Variants in SNTG2 observed in about 807,000 individuals in gnomAD.
SNTG2 encodes the protein gamma-2-syntrophin.
Under a neutral mutation model 70.9 loss-of-function variants are expected in SNTG2, and 74 were observed. The observed-to-expected ratio is 1.04, with a 90% CI of 0.86 to 1.27. The LOEUF (loss-of-function observed/expected upper bound fraction) is 1.27. SNTG2 is among the 50% of genes most tolerant of loss of function. The pLI is 0.00. For synonymous variants in SNTG2, 278 were observed against 273.8 expected (o/e 1.02, Z -0.15); for missense variants, 717 against 690.7 (o/e 1.04, Z -0.43).
intron 1 of SNTG2, among the ~76,000 whole-genome samples, chr2:1,082,936 A>T (rs546216596): frequency 6.6e-6 from 1 of 152,226 alleles, no homozygotes; most frequent in East Asian, 1.9e-4. Flanking sequence ...GCAATTCCAC[A>T]TTGTGTTGCT....
chr2:953,094 A>G (rs1240723425), intron 1 of SNTG2, among the ~76,000 whole-genome samples: 1 of 152,194 alleles, frequency 6.6e-6, no homozygotes, highest in Non-Finnish European at 1.5e-5. Flanking sequence ...GCTTGTTTGA[A>G]TCATGGAATT....
At chr2:1,252,074 G>A (rs989396228) in intron 12 of SNTG2, among the ~76,000 whole-genome samples, 1 of 152,194 alleles carries the variant, frequency 6.6e-6, no homozygotes, top group Non-Finnish European at 1.5e-5. Flanking sequence ...AACTCTGGAG[G>A]CGCCCAGTAC....
At chr2:1,360,067 A>T (rs367756715) in intron 16 of SNTG2, among the ~76,000 whole-genome samples, 18 of 129,536 alleles carry the variant, frequency 1.4e-4, no homozygotes, top group Admixed American at 4.0e-4. Flanking sequence ...GAAAAAAAAA[A>T]GTACATTAAA....
At chr2:1,133,608 CAAAT>C in intron 4 of SNTG2, among the ~76,000 whole-genome samples, 1 of 152,216 alleles carries the variant, frequency 6.6e-6, no homozygotes, top group Admixed American at 6.5e-5. Flanking sequence ...CTAATCTGAC[CAAAT>C]AGTTCATTTT....
intron 9 of SNTG2, among the ~76,000 whole-genome samples, chr2:1,219,460 A>G (rs926177956): frequency 2.6e-5 from 4 of 152,232 alleles, no homozygotes; most frequent in Admixed American, 6.5e-5. Context: ...CCCAAAGATG[A>G]GCAATTAAAC....
At chr2:1,038,394 C>T (rs908608648) in intron 1 of SNTG2, among the ~76,000 whole-genome samples, 2 of 152,126 alleles carry the variant, frequency 1.3e-5, no homozygotes, top group Non-Finnish European at 2.9e-5. Context: ...AAAATGTAAT[C>T]CTGGGATATC....
At chr2:1,286,355 C>T (rs1679766451) in intron 14 of SNTG2, among the ~76,000 whole-genome samples, 1 of 152,166 alleles carries the variant, frequency 6.6e-6, no homozygotes. Context: ...GAGAACTTTG[C>T]CCCTTCCCTG....
intron 1 of SNTG2, among the ~76,000 whole-genome samples, chr2:1,007,188 C>T (rs551201487): frequency 1.3e-5 from 2 of 152,016 alleles, no homozygotes; most frequent in Non-Finnish European, 2.9e-5. Context: ...ATCCATCCCC[C>T]ACAGATCCCA....
chr2:1,196,793 A>G lies in SNTG2; in HGVS notation c.592-12310A>G, dbSNP rs187295532. On this transcript the variant is annotated intron_variant, in intron 8 of 16. Transcript: ENST00000308624. ...CTGTACCTAGAAAAGCTATTCTTCA[A>G]AAATGAAAGAGAAATGAAGTCTTCT... is the stretch of plus-strand genomic sequence containing the variant. Among the ~76,000 whole-genome samples the G allele has an allele frequency of 2.0e-5, 3 of 152,284 alleles. No individual in the cohort carries two copies. The East Asian group carries it at 5.8e-4, about 29-fold the overall frequency.
chr2:1,313,377 T>A (rs1453892303), intron 15 of SNTG2, among the ~76,000 whole-genome samples: 3 of 151,872 alleles, frequency 2.0e-5, no homozygotes, highest in Non-Finnish European at 4.4e-5. Flanking sequence ...CCCAAGTTTA[T>A]CCCCCAGGAT....
intron 14 of SNTG2, among the ~76,000 whole-genome samples, chr2:1,271,266 A>G (rs1468794339): frequency 1.3e-5 from 2 of 152,146 alleles, no homozygotes; most frequent in Non-Finnish European, 2.9e-5. Flanking sequence ...ATGTTATATA[A>G]TCTTCAAACT....
chr2:978,455 A>T, intron 1 of SNTG2, among the ~76,000 whole-genome samples: 1 of 152,210 alleles, frequency 6.6e-6, no homozygotes, highest in Non-Finnish European at 1.5e-5. Context: ...CAAGGAACAT[A>T]TCTCAAAAAT....
intron 16 of SNTG2, among the ~76,000 whole-genome samples, chr2:1,328,561 GA>G (rs1222753433): frequency 5.3e-5 from 8 of 152,092 alleles, no homozygotes; most frequent in African/African-American, 1.9e-4. Context: ...AACGGGACAG[GA>G]GAAAGAAGGA....
intron 1 of SNTG2, among the ~76,000 whole-genome samples, chr2:1,077,727 A>G (rs1187341561): frequency 6.6e-6 from 1 of 151,976 alleles, no homozygotes; most frequent in East Asian, 1.9e-4. Flanking sequence ...ACAGGTTTTT[A>G]TTTTGTTTTT....
intron 4 of SNTG2, among the ~76,000 whole-genome samples, chr2:1,136,673 G>T (rs1217133229): frequency 6.6e-6 from 1 of 152,124 alleles, no homozygotes; most frequent in Non-Finnish European, 1.5e-5. Context: ...TTTAAACAAA[G>T]ATTTAAAATT....
At position 1,015,278 on chromosome 2, in the gene SNTG2, AG is replaced by A. The variant is rs569698581; in HGVS notation, c.72+64212del. Among the ~76,000 whole-genome samples, 618 of 152,278 alleles carry A rather than the reference AG, an allele frequency of 4.1e-3. 3 individuals are homozygous for A. The highest frequency in any genetic ancestry group is 0.013 in the African/African-American group (554 of 41,540). On this transcript the variant is annotated intron_variant, in intron 1 of 16. Transcript: ENST00000308624. ...TCAAATGGATTCAATGTCTAGTTAAAGGCTTGATAGAAGGGATTTTTAGATG... is the reference window on the plus strand; with the variant it reads ...TCAAATGGATTCAATGTCTAGTTAAAGCTTGATAGAAGGGATTTTTAGATG...
At chr2:1,076,108 T>C (rs1157783412) in intron 1 of SNTG2, among the ~76,000 whole-genome samples, 1 of 152,220 alleles carries the variant, frequency 6.6e-6, no homozygotes, top group Non-Finnish European at 1.5e-5. Flanking sequence ...CGCAAAAATC[T>C]TCAATGCCAG....
intron 1 of SNTG2, among the ~76,000 whole-genome samples, chr2:1,066,689 T>G (rs547087612): frequency 1.3e-5 from 2 of 152,160 alleles, no homozygotes; most frequent in South Asian, 4.1e-4. Flanking sequence ...TTGCATAGAA[T>G]AAGAGAAGAC....
chr2:1,067,856 G>A (rs746720406), intron 1 of SNTG2, among the ~76,000 whole-genome samples: 1 of 152,148 alleles, frequency 6.6e-6, no homozygotes, highest in African/African-American at 2.4e-5. Context: ...GCTTCTGTAC[G>A]CAAACCCCAG....
Sources: allele counts gnomAD v4.1 joint callset (sites outside exome capture counted in the v4.1 genomes callset), GRCh38; gene constraint gnomAD v4.1.1; transcripts MANE v1.5; gene names NCBI Gene and HGNC (gene_info 2026-07-23, HGNC 2026-07-21).